Variants in ATRNL1 observed in about 807,000 individuals in gnomAD.
ATRNL1 encodes the protein attractin-like protein 1.
In ATRNL1, 95 loss-of-function variants were observed where a neutral mutation model predicts 182.7. The observed-to-expected ratio is 0.52, with a 90% CI of 0.44 to 0.62. The LOEUF (loss-of-function observed/expected upper bound fraction) is 0.62. Ranked by LOEUF, ATRNL1 falls within the 20% of genes least tolerant of loss-of-function variation. The probability of loss-of-function intolerance (pLI) is 0.00; values close to 1 mark genes in which losing one functional copy is unlikely to be tolerated. For synonymous variants in ATRNL1, 576 were observed against 568.3 expected, an observed-to-expected ratio of 1.01 and a Z score of -0.19; for missense variants, 1,471 against 1,679.5, an observed-to-expected ratio of 0.88 and a Z score of 2.17.
intron 20 of ATRNL1, among the ~76,000 whole-genome samples, chr10:115,412,384 G>C (rs774767044): frequency 6.0e-4 from 92 of 152,154 alleles, no homozygotes; most frequent in Non-Finnish European, 8.7e-4. Context: ...GTGGACCCTA[G>C]GTGCAGCCAA....
intron 27 of ATRNL1, among the ~76,000 whole-genome samples, chr10:115,828,098 A>C (rs1382284043): frequency 6.6e-6 from 1 of 152,166 alleles, no homozygotes; most frequent in African/African-American, 2.4e-5. Flanking sequence ...TGGGCGGATC[A>C]CCTGAGGTCT....
At chr10:115,481,457 T>C (rs1848762743) in intron 24 of ATRNL1, among the ~76,000 whole-genome samples, 1 of 150,868 alleles carries the variant, frequency 6.6e-6, no homozygotes, top group Non-Finnish European at 1.5e-5. Flanking sequence ...CAAGGTATTG[T>C]ATATGATTTA....
intron 28 of ATRNL1, among the ~76,000 whole-genome samples, chr10:115,898,947 TCTC>T (rs1452839529): frequency 1.3e-5 from 2 of 151,932 alleles, no homozygotes; most frequent in African/African-American, 2.4e-5. Flanking sequence ...ACTTTTTTCT[TCTC>T]CTTTTTTTTC....
rs148343739 is a variant in ATRNL1, at chr10:115,877,769, T to C, written c.4018+29778T>C. Among the ~76,000 whole-genome samples, 84 of 152,348 alleles carry C rather than the reference T, an allele frequency of 5.5e-4. No individual in the cohort carries two copies. In the East Asian group the frequency reaches 0.016, roughly 29 times the overall value. On this transcript the variant is annotated intron_variant, in intron 28 of 28. Coordinates refer to ENST00000355044, the MANE Select transcript of ATRNL1 (RefSeq NM_207303.4). ...CTATATAAATCCTATGTTAGTTTAA[T>C]CTCTCTAGGGACTTGGCAATATTTT...
intron 19 of ATRNL1, among the ~76,000 whole-genome samples, chr10:115,394,307 C>T (rs782290419): frequency 6.6e-5 from 10 of 151,862 alleles, no homozygotes; most frequent in East Asian, 5.8e-4. Context: ...AAATTTTGAA[C>T]CCAAGCTGTT....
At chr10:115,222,127 GA>G (rs148476253) in intron 9 of ATRNL1, among the ~76,000 whole-genome samples, 1,785 of 152,160 alleles carry the variant, frequency 0.012, 33 homozygotes, top group African/African-American at 0.04. Context: ...TCATACTTAT[GA>G]ATCAAATGGA....
chr10:115,624,081 C>G (rs1369213933), intron 26 of ATRNL1, among the ~76,000 whole-genome samples: 1 of 151,936 alleles, frequency 6.6e-6, no homozygotes, highest in Non-Finnish European at 1.5e-5. Flanking sequence ...TTTTCTATAT[C>G]TATTGCTGAA....
At chr10:115,942,770 G>A (rs2134627910) in intron 28 of ATRNL1, among the ~76,000 whole-genome samples, 1 of 152,264 alleles carries the variant, frequency 6.6e-6, no homozygotes, top group East Asian at 1.9e-4. Flanking sequence ...TCCTTTTGTG[G>A]CCTTTTCTTA....
intron 24 of ATRNL1, among the ~76,000 whole-genome samples, chr10:115,481,955 G>A (rs541565571): frequency 8.6e-5 from 13 of 151,020 alleles, no homozygotes; most frequent in African/African-American, 3.1e-4. Context: ...AGGTATTAAA[G>A]TATGAGTACT....
chr10:115,834,208 A>G (rs893902943), intron 27 of ATRNL1, among the ~76,000 whole-genome samples: 3 of 151,916 alleles, frequency 2.0e-5, no homozygotes, highest in Non-Finnish European at 1.5e-5. Flanking sequence ...GAGGTTATAT[A>G]CTCTTATTCT....
At chr10:115,232,898 T>C (rs1554900343) in intron 9 of ATRNL1, among the ~76,000 whole-genome samples, 1 of 152,172 alleles carries the variant, frequency 6.6e-6, no homozygotes, top group Admixed American at 6.6e-5. Context: ...TATCATAGAC[T>C]TGGAGGCTTA....
Position 115,389,540 on chromosome 10 carries a change from G to GTATATA in ATRNL1, c.3176-5073_3176-5068dup, listed in dbSNP as rs58155967. On this transcript the variant is annotated intron_variant, in intron 19 of 28. Coordinates refer to ENST00000355044, the MANE Select transcript of ATRNL1 (RefSeq NM_207303.4). ...CTGAATAGTATTCAAATGTGTATGT[G>GTATATA]TATATATATATATATATATATATAT... Among the ~76,000 whole-genome samples, 73 of 44,480 alleles carry GTATATA rather than the reference G, an allele frequency of 1.6e-3. 15 individuals carry two copies. Among genetic ancestry groups the GTATATA allele is most frequent in the Non-Finnish European group, 2.5e-3 (59 of 23,660 alleles). 29.2% of individuals were successfully genotyped at this position (44,480 alleles called of 152,430 possible).
At chr10:115,499,477 G>A (rs77587827) in intron 24 of ATRNL1, among the ~76,000 whole-genome samples, 2,849 of 152,284 alleles carry the variant, frequency 0.019, 107 homozygotes, top group African/African-American at 0.066. Flanking sequence ...CCAAGGTTGA[G>A]GACATGCACC....
At chr10:115,235,236 A>C (rs558374249) in intron 9 of ATRNL1, among the ~76,000 whole-genome samples, 1 of 152,292 alleles carries the variant, frequency 6.6e-6, no homozygotes, top group African/African-American at 2.4e-5. Flanking sequence ...TTTTTTATTG[A>C]GATAAAAGTC....
At chr10:115,672,683 T>G (rs932044815) in intron 26 of ATRNL1, among the ~76,000 whole-genome samples, 5 of 152,064 alleles carry the variant, frequency 3.3e-5, no homozygotes, top group African/African-American at 4.8e-5. Flanking sequence ...TGGTGCTTAT[T>G]ACTAAAAAAA....
chr10:115,588,491 A>G (rs1237964182), intron 26 of ATRNL1, among the ~76,000 whole-genome samples: 1 of 152,214 alleles, frequency 6.6e-6, no homozygotes, highest in Admixed American at 6.5e-5. Context: ...GCCTAGGAAG[A>G]TTTATGAATG....
chr10:115,677,760 C>G (rs537920055), intron 26 of ATRNL1, among the ~76,000 whole-genome samples: 1 of 151,874 alleles, frequency 6.6e-6, no homozygotes, highest in African/African-American at 2.4e-5. Flanking sequence ...AAGGAAACTC[C>G]CAGAGGAGGG....
intron 26 of ATRNL1, among the ~76,000 whole-genome samples, chr10:115,575,060 C>A (rs1007187768): frequency 1.3e-5 from 2 of 151,990 alleles, no homozygotes; most frequent in East Asian, 3.8e-4. Flanking sequence ...TTTCCTTGCA[C>A]CTTTTAAACT....
chr10:115,295,028 T>A (rs1853108597), intron 15 of ATRNL1, among the ~76,000 whole-genome samples: 1 of 152,122 alleles, frequency 6.6e-6, no homozygotes, highest in South Asian at 2.1e-4. Context: ...GGACTGTCAC[T>A]CTTGGAGCAT....
Sources: allele counts gnomAD v4.1 joint callset (sites outside exome capture counted in the v4.1 genomes callset), GRCh38; gene constraint gnomAD v4.1.1; transcripts MANE v1.5; gene names NCBI Gene and HGNC (gene_info 2026-07-23, HGNC 2026-07-21).